NR3C2: variants seen among roughly 807,000 people sequenced by gnomAD.
NR3C2 encodes nuclear receptor subfamily 3 group C member 2, also known as mineralocorticoid receptor.
Under a neutral mutation model 86.4 loss-of-function variants are expected in NR3C2, and 15 were observed. That is an observed-to-expected ratio of 0.17 (90% CI 0.12 to 0.27). NR3C2 has a LOEUF of 0.27. Among genes scored for constraint, NR3C2 ranks in the 10% least tolerant of loss-of-function variants. The pLI, the probability that NR3C2 is intolerant of heterozygous loss-of-function variation, is 1.00. For synonymous variants in NR3C2, 458 were observed against 450.5 expected (o/e 1.02, Z -0.21); for missense variants, 960 against 1,195.6 (o/e 0.80, Z 2.91).
intron 5 of NR3C2, 112 bp downstream of exon 5, chr4:148,154,439 T>C: frequency 1.1e-6 from 1 of 949,808 alleles, no homozygotes; most frequent in Non-Finnish European, 1.7e-6. Context: ...AAAAATCTGA[T>C]ATCAGGATTT....
intron 5 of NR3C2, among the ~76,000 whole-genome samples, chr4:148,153,803 A>C (rs1478108017): frequency 1.3e-5 from 2 of 152,216 alleles, no homozygotes; most frequent in Non-Finnish European, 2.9e-5. Flanking sequence ...TTTTTTAGAC[A>C]GAAGAGTCAT....
intron 2 of NR3C2, among the ~76,000 whole-genome samples, chr4:148,280,143 A>G (rs1464953279): frequency 6.6e-6 from 1 of 152,218 alleles, no homozygotes; most frequent in Admixed American, 6.5e-5. Context: ...CTAGCCTTTA[A>G]CAAAATTTCA....
At chr4:148,103,177 A>G (rs1383094055) in intron 8 of NR3C2, among the ~76,000 whole-genome samples, 4 of 152,114 alleles carry the variant, frequency 2.6e-5, no homozygotes, top group Non-Finnish European at 5.9e-5. Flanking sequence ...GCCTCATGCC[A>G]TGGCCCCTTC....
intron 3 of NR3C2, among the ~76,000 whole-genome samples, chr4:148,222,087 T>C (rs1737890332): frequency 6.6e-6 from 1 of 152,168 alleles, no homozygotes; most frequent in Admixed American, 6.5e-5. Flanking sequence ...GTGTTAATTA[T>C]TACTATGACT....
Position 148,187,052 on chromosome 4 carries a change from T to C in NR3C2, c.2014+7694A>G, listed in dbSNP as rs1317090724. ...TATATATATATATATATAAAGAAAC[T>C]GTGATATATATATATGATATATGTG... On this transcript the variant is annotated intron_variant, in intron 4 of 8. Transcript: ENST00000358102. Among the ~76,000 whole-genome samples, 5 of 131,656 alleles carry C rather than the reference T, an allele frequency of 3.8e-5. No individual in the cohort carries two copies. In the East Asian group the frequency reaches 1.1e-3, roughly 29 times the overall value. The allele number at this position is 131,656 out of a possible 152,430, so 86.4% of individuals were successfully genotyped here.
At chr4:148,111,220 A>C (rs955396064) in intron 8 of NR3C2, among the ~76,000 whole-genome samples, 1 of 152,258 alleles carries the variant, frequency 6.6e-6, no homozygotes, top group Non-Finnish European at 1.5e-5. Context: ...ATAAATGAGC[A>C]TATGAAAAGA....
intron 6 of NR3C2, among the ~76,000 whole-genome samples, chr4:148,121,648 G>A (rs554740403): frequency 6.6e-6 from 1 of 152,142 alleles, no homozygotes; most frequent in South Asian, 2.1e-4. Context: ...TTTCCTCTCA[G>A]ATGTGTCTAT....
intron 2 of NR3C2, among the ~76,000 whole-genome samples, chr4:148,404,396 C>T (rs1277933282): frequency 6.6e-6 from 1 of 152,036 alleles, no homozygotes; most frequent in African/African-American, 2.4e-5. Flanking sequence ...ATGTGGTACA[C>T]TAATAGTCAA....
intron 2 of NR3C2, among the ~76,000 whole-genome samples, chr4:148,361,146 C>A (rs1579205041): frequency 6.6e-6 from 1 of 152,076 alleles, no homozygotes; most frequent in Non-Finnish European, 1.5e-5. Context: ...TTTCAGATAA[C>A]CTTCCAGCAG....
intron 3 of NR3C2, among the ~76,000 whole-genome samples, chr4:148,242,866 C>G (rs1181012764): frequency 6.6e-6 from 1 of 152,028 alleles, no homozygotes; most frequent in Non-Finnish European, 1.5e-5. Context: ...ATTTGATTTT[C>G]CAAGACATTT....
At chr4:148,108,263 C>A (rs529149352) in intron 8 of NR3C2, among the ~76,000 whole-genome samples, 5 of 151,926 alleles carry the variant, frequency 3.3e-5, no homozygotes, top group Admixed American at 6.6e-5. Flanking sequence ...ATCACCACAC[C>A]CGGCTAATTT....
At chr4:148,364,151 G>T (rs1187502169) in intron 2 of NR3C2, among the ~76,000 whole-genome samples, 3 of 152,098 alleles carry the variant, frequency 2.0e-5, no homozygotes, top group Admixed American at 2.0e-4. Flanking sequence ...CTACATTTTT[G>T]TAAAACACCA....
At chr4:148,398,791 T>C (rs2126522203) in intron 2 of NR3C2, among the ~76,000 whole-genome samples, 1 of 152,284 alleles carries the variant, frequency 6.6e-6, no homozygotes, top group Non-Finnish European at 1.5e-5. Context: ...AAATTCAAAA[T>C]AATTACCAAT....
At chr4:148,286,420 C>G (rs1016582774) in intron 2 of NR3C2, among the ~76,000 whole-genome samples, 3 of 152,154 alleles carry the variant, frequency 2.0e-5, no homozygotes, top group Non-Finnish European at 2.9e-5. Context: ...CTACAGCAAT[C>G]AAAATTCCCT....
intron 2 of NR3C2, among the ~76,000 whole-genome samples, chr4:148,313,696 G>A (rs898676104): frequency 2.0e-5 from 3 of 152,108 alleles, no homozygotes; most frequent in Admixed American, 6.5e-5. Context: ...AGGTTTTTCA[G>A]ATATCATTTT....
chr4:148,308,351 T>C (rs1399128904), intron 2 of NR3C2, among the ~76,000 whole-genome samples: 9 of 152,146 alleles, frequency 5.9e-5, no homozygotes, highest in African/African-American at 2.2e-4. Context: ...AGCAATATGG[T>C]AGGAAAATTT....
intron 8 of NR3C2, among the ~76,000 whole-genome samples, chr4:148,098,825 T>C (rs1477890274): frequency 6.6e-6 from 1 of 152,242 alleles, no homozygotes; most frequent in Non-Finnish European, 1.5e-5. Context: ...ATATCAATCA[T>C]TTAAAACTAT....
intron 2 of NR3C2, among the ~76,000 whole-genome samples, chr4:148,387,972 C>G (rs547356590): frequency 6.6e-6 from 1 of 152,324 alleles, no homozygotes; most frequent in South Asian, 2.1e-4. Context: ...ATGAACACAT[C>G]ACTGAAAATC....
intron 7 of NR3C2, among the ~76,000 whole-genome samples, chr4:148,115,754 T>G (rs1732246730): frequency 7.1e-6 from 1 of 141,518 alleles, no homozygotes; most frequent in South Asian, 2.2e-4. Context: ...TATTTGAGTC[T>G]ATTTTTGTGA....
Sources: allele counts gnomAD v4.1 joint callset (sites outside exome capture counted in the v4.1 genomes callset), GRCh38; gene constraint gnomAD v4.1.1; transcripts MANE v1.5; gene names NCBI Gene and HGNC (gene_info 2026-07-23, HGNC 2026-07-21).